Variants in CDH13 observed in about 807,000 individuals in gnomAD.
The protein encoded by CDH13 is cadherin 13, also known as cadherin-13.
CDH13 carries 24 observed loss-of-function variants against 63.8 expected under a neutral mutation model. The observed-to-expected ratio is 0.38, with a 90% CI of 0.27 to 0.53. The LOEUF (loss-of-function observed/expected upper bound fraction) is 0.53, where lower values mean the gene tolerates loss of function less well. Ranked by LOEUF, CDH13 falls within the 20% of genes least tolerant of loss-of-function variation. CDH13 has a pLI of 0.85. For missense variants in CDH13, 1,049 were observed against 903.1 expected, an observed-to-expected ratio of 1.16 and a Z score of -2.07; for synonymous variants, 503 against 355.3, an observed-to-expected ratio of 1.42 and a Z score of -4.67.
At chr16:82,642,761 C>G (rs549899294) in intron 1 of CDH13, among the ~76,000 whole-genome samples, 1 of 152,264 alleles carries the variant, frequency 6.6e-6, no homozygotes, top group African/African-American at 2.4e-5. Flanking sequence ...GATTTTGAAC[C>G]AGGCCTGGTG....
chr16:83,205,219 G>T (rs1488206083), intron 4 of CDH13, among the ~76,000 whole-genome samples: 1 of 152,226 alleles, frequency 6.6e-6, no homozygotes, highest in African/African-American at 2.4e-5. Flanking sequence ...AAAGGGCTCA[G>T]TGATCAGGAG....
intron 4 of CDH13, among the ~76,000 whole-genome samples, chr16:83,135,381 C>G (rs1173713946): frequency 6.6e-6 from 1 of 152,188 alleles, no homozygotes; most frequent in African/African-American, 2.4e-5. Context: ...ATAGCACACT[C>G]ACACAAATGG....
At chr16:83,380,170 G>C (rs924342466) in intron 6 of CDH13, among the ~76,000 whole-genome samples, 2 of 151,714 alleles carry the variant, frequency 1.3e-5, no homozygotes, top group Non-Finnish European at 2.9e-5. Context: ...CATAGAACAG[G>C]ATATGACGGA....
chr16:82,871,354 A>G (rs969473430), intron 2 of CDH13, among the ~76,000 whole-genome samples: 1 of 152,190 alleles, frequency 6.6e-6, no homozygotes, highest in African/African-American at 2.4e-5. Context: ...GAGCCATTTC[A>G]GAAGTCCTGA....
At chr16:83,228,039 C>T (rs770818938) in intron 5 of CDH13, among the ~76,000 whole-genome samples, 1 of 152,110 alleles carries the variant, frequency 6.6e-6, no homozygotes, top group Non-Finnish European at 1.5e-5. Flanking sequence ...GGAGACACTG[C>T]TTGGTCCAGG....
rs137881227 is a variant in CDH13 at position 82,881,505 on chromosome 16, G to A, written c.157+23032G>A. Among the ~76,000 whole-genome samples, 691 of 152,230 alleles carry A rather than the reference G, an allele frequency of 4.5e-3. 5 individuals are homozygous for A. Among genetic ancestry groups the A allele is most frequent in the Middle Eastern group, 0.02 (6 of 294 alleles). On this transcript the variant is annotated intron_variant, in intron 2 of 13. Coordinates refer to ENST00000567109, the MANE Select transcript of CDH13 (RefSeq NM_001257.5). Reference sequence around the variant, plus strand: ...TCCATTACAATCTGTTTTTGGATGTGGGCTGTGGGAAGGAGCCATGACCTT... The same window carrying A: ...TCCATTACAATCTGTTTTTGGATGTAGGCTGTGGGAAGGAGCCATGACCTT...
At chr16:83,465,592 G>A (rs2073293156) in intron 6 of CDH13, among the ~76,000 whole-genome samples, 1 of 152,236 alleles carries the variant, frequency 6.6e-6, no homozygotes, top group African/African-American at 2.4e-5. Flanking sequence ...CAGCTCAGCA[G>A]TAAAGGAAAT....
intron 5 of CDH13, among the ~76,000 whole-genome samples, chr16:83,316,530 A>G (rs1418694543): frequency 6.6e-6 from 1 of 152,116 alleles, no homozygotes; most frequent in Admixed American, 6.5e-5. Flanking sequence ...AATGTAGGGT[A>G]GTTGGATGCA....
intron 4 of CDH13, among the ~76,000 whole-genome samples, chr16:83,189,221 C>T (rs755983293): frequency 6.6e-6 from 1 of 152,138 alleles, no homozygotes; most frequent in African/African-American, 2.4e-5. Context: ...AGATTTCCGC[C>T]GTCTGTGTTT....
intron 7 of CDH13, among the ~76,000 whole-genome samples, chr16:83,566,286 C>G (rs1904279976): frequency 6.6e-6 from 1 of 152,178 alleles, no homozygotes; most frequent in South Asian, 2.1e-4. Flanking sequence ...ACTGTTCTTC[C>G]CTTTCTTTAA....
intron 10 of CDH13, among the ~76,000 whole-genome samples, chr16:83,745,325 G>T (rs567006935): frequency 6.6e-6 from 1 of 152,278 alleles, no homozygotes; most frequent in East Asian, 1.9e-4. Context: ...AACTTGATTT[G>T]ATTCTCAGGT....
intron 1 of CDH13, among the ~76,000 whole-genome samples, chr16:82,629,931 C>G (rs1907807037): frequency 6.6e-6 from 1 of 152,120 alleles, no homozygotes; most frequent in Non-Finnish European, 1.5e-5. Context: ...TTACAACTAA[C>G]CAAAAGTTCT....
intron 2 of CDH13, among the ~76,000 whole-genome samples, chr16:82,971,720 G>C (rs1457409806): frequency 6.6e-6 from 1 of 152,178 alleles, no homozygotes; most frequent in Non-Finnish European, 1.5e-5. Context: ...AAATAGATAA[G>C]TCTGTTTAGG....
At chr16:82,911,165 A>G (rs2041817020) in intron 2 of CDH13, among the ~76,000 whole-genome samples, 2 of 152,214 alleles carry the variant, frequency 1.3e-5, no homozygotes, top group African/African-American at 2.4e-5. Flanking sequence ...TGCATTCCAT[A>G]GTTTCCCCGA....
intron 2 of CDH13, among the ~76,000 whole-genome samples, chr16:82,978,385 G>A (rs766909709): frequency 1.4e-4 from 21 of 152,242 alleles, no homozygotes; most frequent in Admixed American, 2.6e-4. Flanking sequence ...CAGGGAAAAT[G>A]TCTCCAGGGC....
chr16:83,703,227 A>G (rs567897965), intron 10 of CDH13, among the ~76,000 whole-genome samples: 22 of 152,352 alleles, frequency 1.4e-4, no homozygotes, highest in Admixed American at 1.4e-3. Flanking sequence ...TTTTTCCAAC[A>G]GTCACACTCT....
chr16:83,238,980 C>G (rs947787183), intron 5 of CDH13, among the ~76,000 whole-genome samples: 2 of 152,094 alleles, frequency 1.3e-5, no homozygotes, highest in African/African-American at 4.8e-5. Context: ...AGAGATAAGT[C>G]AAAGTCAGGC....
At chr16:82,995,696 G>T (rs1312887132) in intron 2 of CDH13, among the ~76,000 whole-genome samples, 1 of 152,116 alleles carries the variant, frequency 6.6e-6, no homozygotes, top group Non-Finnish European at 1.5e-5. Context: ...CAAAATAGAT[G>T]TGATACTTCT....
At chr16:83,450,128 C>T (rs745512753) in intron 6 of CDH13, among the ~76,000 whole-genome samples, 1 of 152,130 alleles carries the variant, frequency 6.6e-6, no homozygotes, top group African/African-American at 2.4e-5. Context: ...ACCACAGCAG[C>T]GCCCTGTGAT....
Sources: gnomAD v4.1 joint callset for allele counts (sites outside exome capture counted in the v4.1 genomes callset) on GRCh38, gnomAD v4.1.1 for gene constraint, MANE v1.5 for transcripts, NCBI Gene and HGNC (gene_info 2026-07-23, HGNC 2026-07-21) for gene names.